Variants in GNL1 observed in about 807,000 individuals in gnomAD.
GNL1 encodes G protein nucleolar 1, also known as guanine nucleotide-binding protein-like 1.
In GNL1, 21 loss-of-function variants were observed where a neutral mutation model predicts 75.2. That is an observed-to-expected ratio of 0.28 (90% CI 0.20 to 0.40). GNL1 has a LOEUF of 0.40. GNL1 is among the 10% of genes least tolerant of loss of function. The pLI, the probability that GNL1 is intolerant of heterozygous loss-of-function variation, is 1.00. For missense variants in GNL1, 579 were observed against 775.0 expected, an observed-to-expected ratio of 0.75 and a Z score of 3.00; for synonymous variants, 287 against 303.4, an observed-to-expected ratio of 0.95 and a Z score of 0.56.
Position 30,546,978 on chromosome 6 carries a change from G to T in GNL1, c.1441+134C>A. 1.8e-6 allele frequency: 2 copies of T among 1,111,958 alleles called. No homozygotes were observed. The highest frequency in any genetic ancestry group is 2.7e-6 in the Non-Finnish European group (2 of 743,266). 68.9% of individuals were successfully genotyped at this position (1,111,958 alleles called of 1,614,324 possible). On this transcript the variant is annotated intron_variant, in intron 10 of 11. Coordinates refer to ENST00000376621, the MANE Select transcript of GNL1 (RefSeq NM_005275.5). The surrounding 1 kb of genome is among the most constrained non-coding windows in gnomAD (Gnocchi z 5.1). ...ACTGGCTATGCAACAAAAATCTAGG[G>T]GTGAGTGGACAGCAGCTTCATCAAT...
chr6:30,554,526 G>T, intron 5 of GNL1, 49 bp downstream of exon 5: 1 of 1,120,352 alleles, frequency 8.9e-7, no homozygotes, highest in Non-Finnish European at 1.4e-6. Context: ...CTTTGCCCCT[G>T]AAAAACCTTT....
rs1800070646 is a variant in GNL1 at position 30,555,243 on chromosome 6, C to T, written c.240-52G>A. 1 of 1,607,098 alleles carries T rather than the reference C, an allele frequency of 6.2e-7. No individual in the cohort carries two copies. Among genetic ancestry groups the T allele is most frequent in the Non-Finnish European group, 8.5e-7 (1 of 1,175,166 alleles). On this transcript the variant is annotated intron_variant, in intron 2 of 11. Coordinates refer to ENST00000376621, the MANE Select transcript of GNL1 (RefSeq NM_005275.5). The surrounding 1 kb of genome is among the most constrained non-coding windows in gnomAD (Gnocchi z 4.3). Reference sequence around the variant, plus strand: ...AGAGCAATCCTGTGGCCACAAACTCCTATTTTCTCCCCTCTTGTACAATCA... The same window carrying T: ...AGAGCAATCCTGTGGCCACAAACTCTTATTTTCTCCCCTCTTGTACAATCA...
chr6:30,546,228 T>C lies in GNL1; in HGVS notation c.1668A>G (p.Glu556=). The stretch of plus-strand genomic sequence containing the variant: ...CACAGGAGCTGCTCAGCTCTTCCTC[T>C]TCCTCCTCCTCCTCGTCACCTGCTG... ...VGPAGDEEEE[E]EEELSSSCEE... Residue 556 remains glutamate (E), a synonymous_variant, in exon 12 of 12, where the codon GAA becomes GAG. Coordinates refer to ENST00000376621, the MANE Select transcript of GNL1 (RefSeq NM_005275.5). This position sits in a 1 kb window ranked among gnomAD's most constrained non-coding sequence, Gnocchi z 5.1. The C allele has an allele frequency of 6.4e-7, 1 of 1,562,544 alleles. No homozygotes were observed. Among genetic ancestry groups the C allele is most frequent in the Non-Finnish European group, 8.7e-7 (1 of 1,147,392 alleles).
chr6:30,553,256 C>A (rs1231475875), intron 6 of GNL1, 77 bp from the exon 7 acceptor site: 2 of 1,433,438 alleles, frequency 1.4e-6, no homozygotes, highest in African/African-American at 1.4e-5. Context: ...AGGCCCAAGA[C>A]CAGGTGCCCC....
In GNL1 at chr6:30,545,844, T is replaced by C. The variant is rs761060175; in HGVS notation, c.*228A>G. 9 of 539,754 alleles carry C rather than the reference T, an allele frequency of 1.7e-5. No individual in the cohort carries two copies. Among genetic ancestry groups the C allele is most frequent in the Admixed American group, 4.0e-5 (1 of 24,754 alleles). The allele number at this position is 539,754 out of a possible 1,614,324, so 33.4% of individuals were successfully genotyped here. A position where few individuals can be genotyped will look rare whatever the true frequency, so the allele number is the denominator to read the frequency against. Reference sequence around the variant, plus strand: ...AGAGACTGAGAACCTACTAAACTCCTAAGAGAACTTTCCCTTGCAAAGAGA... The same window carrying C: ...AGAGACTGAGAACCTACTAAACTCCCAAGAGAACTTTCCCTTGCAAAGAGA... On this transcript the variant is annotated 3_prime_UTR_variant, in exon 12 of 12. Transcript: ENST00000376621.
Position 30,554,819 on chromosome 6 carries a change from T to C in GNL1, c.473A>G (p.Lys158Arg). The C allele has an allele frequency of 6.2e-7, 1 of 1,612,654 alleles. No homozygotes were observed. Among genetic ancestry groups the C allele is most frequent in the Non-Finnish European group, 8.5e-7 (1 of 1,179,670 alleles). The change falls in exon 4 of 12, where the codon AAG becomes AGG. Residue 158 changes from lysine (K) to arginine (R), a missense_variant. Physicochemically the swap from Lys to Arg is conservative, Grantham distance 26. Transcript: ENST00000376621. ...CTCAGAGGAGTAAGCCCCATGAATC[T>C]TCCCAAGATAGTCTTGGAAGCTCCG... Reference protein sequence around the residue: ...EERSFQDYLGKIHGAYSSEKL... With the variant: ...EERSFQDYLGRIHGAYSSEKL...
At chr6:30,551,874 CT>C (rs1048217297) in intron 8 of GNL1, among the ~76,000 whole-genome samples, 2 of 151,258 alleles carry the variant, frequency 1.3e-5, no homozygotes, top group African/African-American at 2.4e-5. Flanking sequence ...CACATCCATT[CT>C]TTTTTTTTAA....
rs758805894 is a variant in GNL1, at chr6:30,546,139, G to A, written c.1757C>T (p.Thr586Ile). 6 of 1,570,530 alleles carry A rather than the reference G, an allele frequency of 3.8e-6. No individual in the cohort carries two copies. The South Asian group carries it at 5.8e-5, about 15-fold the overall frequency. Residue 586 changes from threonine to isoleucine, a missense_variant, in exon 12 of 12, where the codon ACC becomes ATC. Coordinates refer to ENST00000376621, the MANE Select transcript of GNL1 (RefSeq NM_005275.5). This position sits in a 1 kb window ranked among gnomAD's most constrained non-coding sequence, Gnocchi z 5.1. ...AGCCAGGCTGGACCCTGGAGCCGAGGTTGGGGTCTCCTCATCCCCTTCTCC... is the reference window on the plus strand; with the variant it reads ...AGCCAGGCTGGACCCTGGAGCCGAGATTGGGGTCTCCTCATCCCCTTCTCC... Reference protein sequence around the residue: ...EEGEGDEETPTSAPGSSLAGR... With the variant: ...EEGEGDEETPISAPGSSLAGR...
intron 5 of GNL1, 41 bp from the exon 6 acceptor site, chr6:30,553,598 A>C: frequency 7.0e-7 from 1 of 1,433,004 alleles, no homozygotes; most frequent in East Asian, 2.3e-5. Flanking sequence ...GTGAAAGTCA[A>C]CCCAGAGTTC....
intron 8 of GNL1, among the ~76,000 whole-genome samples, chr6:30,550,213 C>T (rs1468614505): frequency 1.3e-5 from 2 of 152,152 alleles, no homozygotes; most frequent in African/African-American, 4.8e-5. Context: ...GTCCTCTTCT[C>T]TCCCCTAAGC....
At chr6:30,553,301 C>T (rs1799912795) in intron 6 of GNL1, 49 bp downstream of exon 6, 1 of 1,521,872 alleles carries the variant, frequency 6.6e-7, no homozygotes, top group Non-Finnish European at 9.1e-7. Flanking sequence ...CCCCTTTGTC[C>T]CCTGCCAACT....
chr6:30,554,860 T>G lies in GNL1; in HGVS notation c.432A>C (p.Leu144=), dbSNP rs777610886. The change falls in exon 4 of 12, where the codon CTA becomes CTC. Residue 144 remains leucine, a synonymous_variant. Transcript: ENST00000376621. ...GGAAGCTCCGTTCCTCTTGGCTCAT[T>G]AGTTGCTCCTTGGACATCTCATAGC... The part of the protein sequence containing the change: ...PWSYEMSKEQ[L]MSQEERSFQD... 7.4e-6 allele frequency: 12 copies of G among 1,612,524 alleles called. No individual in the cohort carries two copies. Among genetic ancestry groups the G allele is most frequent in the Non-Finnish European group, 1.0e-5 (12 of 1,179,544 alleles).
chr6:30,553,635 G>A lies in GNL1; in HGVS notation c.601-78C>T, dbSNP rs140220047. The A allele has an allele frequency of 2.1e-4, 208 of 971,708 alleles. No individual in the cohort carries two copies. The East Asian group carries it at 4.8e-3, about 23-fold the overall frequency. The allele number at this position is 971,708 out of a possible 1,614,324, so 60.2% of individuals were successfully genotyped here. ...CTGCCTCCAGCTCCCCACTCAGCAG[G>A]TGTAGCTCAGAGACAAGGCCCTGGT... On this transcript the variant is annotated intron_variant, in intron 5 of 11. Coordinates refer to ENST00000376621, the MANE Select transcript of GNL1 (RefSeq NM_005275.5).
In GNL1 at chr6:30,555,474, C is replaced by G; in HGVS notation, c.239+81G>C. ...GGCATCCCAGGCCCACCGTCTTCAC[C>G]AGTAGCAGCCCGCTTTCCCCCAAAG... On this transcript the variant is annotated intron_variant, in intron 2 of 11. Coordinates refer to ENST00000376621, the MANE Select transcript of GNL1 (RefSeq NM_005275.5). The surrounding 1 kb of genome is among the most constrained non-coding windows in gnomAD (Gnocchi z 4.3). 7.2e-7 allele frequency: 1 copy of G among 1,386,766 alleles called. No individual in the cohort carries two copies. Among genetic ancestry groups the G allele is most frequent in the Non-Finnish European group, 1.0e-6 (1 of 1,001,450 alleles). 85.9% of individuals were successfully genotyped at this position (1,386,766 alleles called of 1,614,324 possible).
At position 30,543,679 on chromosome 6, in the gene GNL1, A is replaced by T. The variant is rs1490811090; in HGVS notation, c.*2393T>A. On this transcript the variant is annotated 3_prime_UTR_variant, in exon 12 of 12. Transcript: ENST00000376621. ...TTGGTTATTGTCCCAGAACTCAGGGATATATGTCTGGCATATATTGTTTTT... is the reference window on the plus strand; with the variant it reads ...TTGGTTATTGTCCCAGAACTCAGGGTTATATGTCTGGCATATATTGTTTTT... 2 of 152,108 alleles carry T rather than the reference A, an allele frequency of 1.3e-5. No individual in the cohort carries two copies. Among genetic ancestry groups the T allele is most frequent in the Non-Finnish European group, 2.9e-5 (2 of 68,030 alleles). 9.4% of individuals were successfully genotyped at this position (152,108 alleles called of 1,614,324 possible).
At position 30,555,216 on chromosome 6, in the gene GNL1, C is replaced by A. The variant is rs1285174633; in HGVS notation, c.240-25G>T. The A allele has an allele frequency of 6.2e-7, 1 of 1,612,784 alleles. No homozygotes were observed. Reference sequence around the variant, plus strand: ...TCTAAGGGAACAGGGACCGAGACATCCAGAGCAATCCTGTGGCCACAAACT... The same window carrying A: ...TCTAAGGGAACAGGGACCGAGACATACAGAGCAATCCTGTGGCCACAAACT... On this transcript the variant is annotated intron_variant, in intron 2 of 11. Coordinates refer to ENST00000376621, the MANE Select transcript of GNL1 (RefSeq NM_005275.5). The surrounding 1 kb of genome is among the most constrained non-coding windows in gnomAD (Gnocchi z 4.3).
At position 30,542,415 on chromosome 6, in the gene GNL1, C is replaced by T. The variant is rs1442585609; in HGVS notation, c.*3657G>A. The T allele has an allele frequency of 2.6e-5, 4 of 152,600 alleles. No homozygotes were observed. The highest frequency in any genetic ancestry group is 2.9e-5 in the Non-Finnish European group (2 of 68,240). The allele number at this position is 152,600 out of a possible 1,614,324, so 9.5% of individuals were successfully genotyped here. A position where few individuals can be genotyped will look rare whatever the true frequency, so the allele number is the denominator to read the frequency against. On this transcript the variant is annotated 3_prime_UTR_variant, in exon 12 of 12. Transcript: ENST00000376621. The surrounding 1 kb of genome is among the most constrained non-coding windows in gnomAD (Gnocchi z 4.5). ...GCTTTCTTCCTCAGCCTTCTCTGCT[C>T]CCCACACCTATATGTTGATGATGCC...
In GNL1 at chr6:30,552,372, G is replaced by T; in HGVS notation, c.1099+95C>A. The T allele has an allele frequency of 1.9e-6, 2 of 1,029,814 alleles. No individual in the cohort carries two copies. The highest frequency in any genetic ancestry group is 3.0e-5 in the South Asian group (2 of 67,254). The allele number at this position is 1,029,814 out of a possible 1,614,324, so 63.8% of individuals were successfully genotyped here. On this transcript the variant is annotated intron_variant, in intron 8 of 11. Coordinates refer to ENST00000376621, the MANE Select transcript of GNL1 (RefSeq NM_005275.5). The surrounding 1 kb of genome is among the most constrained non-coding windows in gnomAD (Gnocchi z 4.5). The stretch of plus-strand genomic sequence containing the variant: ...CAGAGATCACCCCTCAGACACCCTG[G>T]GGCCTAATGAGACCTGATCGCCCTC...
intron 8 of GNL1, among the ~76,000 whole-genome samples, chr6:30,550,695 A>C (rs1057007877): frequency 6.6e-6 from 1 of 152,130 alleles, no homozygotes; most frequent in Non-Finnish European, 1.5e-5. Flanking sequence ...TGAGACTTGG[A>C]ATAAAATCCA....
Sources: gnomAD v4.1 joint callset for allele counts (sites outside exome capture counted in the v4.1 genomes callset) on GRCh38, gnomAD v4.1.1 for gene constraint, Gnocchi (gnomAD v3.1) non-coding constraint, MANE v1.5 for transcripts, NCBI Gene and HGNC (gene_info 2026-07-23, HGNC 2026-07-21) for gene names.